PLCB4: variants seen among roughly 807,000 people sequenced by gnomAD.
PLCB4 encodes 1-phosphatidylinositol 4,5-bisphosphate phosphodiesterase beta-4.
Under a neutral mutation model 178.8 loss-of-function variants are expected in PLCB4, and 77 were observed. The ratio of observed to expected loss-of-function variants is 0.43; its 90% CI spans 0.36 to 0.52. PLCB4 has a LOEUF of 0.52. PLCB4 is among the 20% of genes least tolerant of loss of function. The pLI is 0.00. For synonymous variants in PLCB4, 496 were observed against 490.8 expected (o/e 1.01, Z -0.14); for missense variants, 1,024 against 1,453.4 (o/e 0.70, Z 4.80).
intron 7 of PLCB4, among the ~76,000 whole-genome samples, chr20:9,347,702 G>A (rs1471363679): frequency 1.3e-5 from 2 of 152,196 alleles, no homozygotes; most frequent in Non-Finnish European, 2.9e-5. Context: ...GACTGGCTGG[G>A]CATGGTGGCT....
intron 1 of PLCB4, among the ~76,000 whole-genome samples, chr20:9,087,482 C>T (rs1221675653): frequency 6.6e-6 from 1 of 152,118 alleles, no homozygotes; most frequent in South Asian, 2.1e-4. Context: ...ATTGGAACAA[C>T]CTAATTTTCA....
intron 3 of PLCB4, among the ~76,000 whole-genome samples, chr20:9,275,720 A>T (rs2094444903): frequency 6.6e-6 from 1 of 152,080 alleles, no homozygotes; most frequent in Non-Finnish European, 1.5e-5. Flanking sequence ...AGCAGCATTG[A>T]GATCACCAGG....
intron 2 of PLCB4, among the ~76,000 whole-genome samples, chr20:9,164,106 T>G (rs112566556): frequency 1.5e-3 from 235 of 152,330 alleles, no homozygotes; most frequent in African/African-American, 5.2e-3. Flanking sequence ...ATAAACTTGT[T>G]TTACTTTACC....
intron 3 of PLCB4, among the ~76,000 whole-genome samples, chr20:9,294,961 C>A (rs1235805015): frequency 6.6e-6 from 1 of 152,100 alleles, no homozygotes; most frequent in African/African-American, 2.4e-5. Flanking sequence ...AAAGAGTATT[C>A]CTGCAAAGAA....
At chr20:9,241,988 A>G (rs118017640) in intron 3 of PLCB4, among the ~76,000 whole-genome samples, 199 of 152,272 alleles carry the variant, frequency 1.3e-3, no homozygotes, top group Middle Eastern at 3.4e-3. Context: ...AGCCTCTATC[A>G]GGTTAGCCTG....
intron 3 of PLCB4, among the ~76,000 whole-genome samples, chr20:9,278,137 T>G (rs956263664): frequency 1.3e-5 from 2 of 152,006 alleles, no homozygotes; most frequent in African/African-American, 4.8e-5. Context: ...TTGCACGGAC[T>G]CTCCCAGTTA....
intron 3 of PLCB4, among the ~76,000 whole-genome samples, chr20:9,243,842 A>C (rs867584295): frequency 6.6e-6 from 1 of 152,324 alleles, no homozygotes. Context: ...AATTATTGTG[A>C]ACTACTCATT....
At chr20:9,453,186 G>A (rs1410075980) in intron 32 of PLCB4, among the ~76,000 whole-genome samples, 161 bp from the exon 33 acceptor site, 1 of 152,176 alleles carries the variant, frequency 6.6e-6, no homozygotes, top group Admixed American at 6.5e-5. Flanking sequence ...AAAAAAACCG[G>A]TGTTGAATGG....
At chr20:9,396,141 T>A (rs529584213) in intron 19 of PLCB4, among the ~76,000 whole-genome samples, 1 of 152,348 alleles carries the variant, frequency 6.6e-6, no homozygotes, top group African/African-American at 2.4e-5. Context: ...TCTCCCTTCC[T>A]ATTGGCCATT....
Position 9,480,338 on chromosome 20 carries a change from A to G in PLCB4, c.*1329A>G, listed in dbSNP as rs1463584588. 4 of 152,638 alleles carry G rather than the reference A, an allele frequency of 2.6e-5. No homozygotes were observed. Among genetic ancestry groups the G allele is most frequent in the African/African-American group, 9.6e-5 (4 of 41,456 alleles). 9.5% of individuals were successfully genotyped at this position (152,638 alleles called of 1,614,324 possible). A position where few individuals can be genotyped will look rare whatever the true frequency, so the allele number is the denominator to read the frequency against. The stretch of plus-strand genomic sequence containing the variant: ...CTAATCAGATTACTGATTTTAGGGC[A>G]CAGCACCAGATGAATTGTTGTATAT... On this transcript the variant is annotated 3_prime_UTR_variant, in exon 40 of 40. Coordinates refer to ENST00000378473, the MANE Select transcript of PLCB4 (RefSeq NM_001377142.1).
chr20:9,083,523 C>G (rs6140855), intron 1 of PLCB4, among the ~76,000 whole-genome samples: 74,019 of 151,868 alleles, frequency 0.49, 18,557 homozygotes, highest in Middle Eastern at 0.57. Context: ...GATTCTTTAA[C>G]ACCGGGCCCC....
intron 28 of PLCB4, among the ~76,000 whole-genome samples, chr20:9,429,317 C>A (rs2041239634): frequency 6.6e-6 from 1 of 152,120 alleles, no homozygotes; most frequent in African/African-American, 2.4e-5. Flanking sequence ...TACTCACCTG[C>A]CAGTGGATGC....
At chr20:9,356,621 C>T (rs1467396926) in intron 7 of PLCB4, among the ~76,000 whole-genome samples, 1 of 152,150 alleles carries the variant, frequency 6.6e-6, no homozygotes, top group Non-Finnish European at 1.5e-5. Flanking sequence ...GCTCCAAGTG[C>T]ATGGAAATGT....
intron 3 of PLCB4, among the ~76,000 whole-genome samples, chr20:9,250,089 G>A (rs1047486733): frequency 2.0e-5 from 3 of 152,204 alleles, no homozygotes; most frequent in Admixed American, 2.0e-4. Context: ...AATTTAACTT[G>A]TTAAAGTTAT....
At chr20:9,436,113 A>G (rs2041750895) in intron 29 of PLCB4, among the ~76,000 whole-genome samples, 1 of 152,200 alleles carries the variant, frequency 6.6e-6, no homozygotes, top group Non-Finnish European at 1.5e-5. Flanking sequence ...AATTACCTTC[A>G]GGCTGTGTAT....
chr20:9,361,880 T>C (rs2035367186), intron 7 of PLCB4, among the ~76,000 whole-genome samples: 2 of 152,194 alleles, frequency 1.3e-5, no homozygotes, highest in South Asian at 4.1e-4. Flanking sequence ...GCATGTAAAA[T>C]GTGATTAGTG....
chr20:9,270,767 C>G (rs950692393), intron 3 of PLCB4, among the ~76,000 whole-genome samples: 1 of 151,794 alleles, frequency 6.6e-6, no homozygotes, highest in African/African-American at 2.4e-5. Flanking sequence ...ATATATAGAT[C>G]AAGTATGCTA....
intron 2 of PLCB4, among the ~76,000 whole-genome samples, chr20:9,142,277 A>G (rs981126422): frequency 5.9e-5 from 9 of 152,226 alleles, no homozygotes; most frequent in Non-Finnish European, 8.8e-5. Context: ...GTCTGGATTC[A>G]TAGTGAGGAA....
intron 25 of PLCB4, 55 bp from the exon 26 acceptor site, chr20:9,419,752 G>C (rs2040496464): frequency 2.9e-6 from 3 of 1,044,138 alleles, no homozygotes; most frequent in Non-Finnish European, 4.5e-6. Context: ...CAACTAGCGA[G>C]TGTTTTAGTC....
Sources: allele counts gnomAD v4.1 joint callset (sites outside exome capture counted in the v4.1 genomes callset), GRCh38; gene constraint gnomAD v4.1.1; transcripts MANE v1.5; gene names NCBI Gene and HGNC (gene_info 2026-07-23, HGNC 2026-07-21).